PARD3B: variants seen among roughly 807,000 people sequenced by gnomAD.
The protein encoded by PARD3B is partitioning defective 3 homolog B.
PARD3B carries 103 observed loss-of-function variants against 130.2 expected under a neutral mutation model. That is an observed-to-expected ratio of 0.79 (90% CI 0.67 to 0.93). PARD3B has a LOEUF of 0.93. PARD3B is among the 40% of genes least tolerant of loss of function. PARD3B has a pLI of 0.00. For missense variants in PARD3B, 1,609 were observed against 1,499.2 expected, an observed-to-expected ratio of 1.07 and a Z score of -1.21; for synonymous variants, 583 against 553.2, an observed-to-expected ratio of 1.05 and a Z score of -0.76.
rs1467648366 is a variant in PARD3B, at chr2:205,031,244, CTG to C, written c.395-16330_395-16329del. Among the ~76,000 whole-genome samples the C allele has an allele frequency of 7.2e-5, 11 of 152,260 alleles. No individual in the cohort carries two copies. In the East Asian group the frequency reaches 1.2e-3, roughly 16 times the overall value. On this transcript the variant is annotated intron_variant, in intron 3 of 22. Coordinates refer to ENST00000406610, the MANE Select transcript of PARD3B (RefSeq NM_001302769.2). ...ACATACCTTATCTGTGAAGGCAACT[CTG>C]TGTGTGCGTTTTCCAATCTAGATGG...
chr2:204,732,966 C>T (rs1389514548), intron 2 of PARD3B, among the ~76,000 whole-genome samples: 4 of 152,110 alleles, frequency 2.6e-5, no homozygotes, highest in East Asian at 3.9e-4. Context: ...CCATTCCACC[C>T]CTAGCAGAGT....
At position 204,647,618 on chromosome 2, in the gene PARD3B, C is replaced by A. The variant is rs1308154940; in HGVS notation, c.121-38563C>A. 1.1e-4 allele frequency among the ~76,000 whole-genome samples: 16 copies of A among 151,806 alleles called. No individual in the cohort carries two copies. The East Asian group carries it at 3.1e-3, about 29-fold the overall frequency. On this transcript the variant is annotated intron_variant, in intron 1 of 22. Transcript: ENST00000406610. ...GGTACACTGTGATCATATGCAATAT[C>A]CAATAGTAATTTGAAGACATATTTT...
intron 15 of PARD3B, among the ~76,000 whole-genome samples, chr2:205,210,120 C>G (rs2037546323): frequency 6.6e-6 from 1 of 151,956 alleles, no homozygotes; most frequent in Non-Finnish European, 1.5e-5. Flanking sequence ...AATCTCAGCA[C>G]TTTGAGAGGC....
At chr2:204,778,975 C>T (rs1029168695) in intron 2 of PARD3B, among the ~76,000 whole-genome samples, 7 of 152,104 alleles carry the variant, frequency 4.6e-5, no homozygotes, top group Admixed American at 2.6e-4. Context: ...CTGCCTGCCG[C>T]CTCAGCCTCA....
At chr2:205,284,826 T>C (rs959915054) in intron 16 of PARD3B, among the ~76,000 whole-genome samples, 1 of 152,014 alleles carries the variant, frequency 6.6e-6, no homozygotes, top group Admixed American at 6.6e-5. Context: ...CATTTATTTT[T>C]CCCCCCATGG....
At chr2:205,237,435 T>A (rs1383157393) in intron 15 of PARD3B, among the ~76,000 whole-genome samples, 1 of 152,198 alleles carries the variant, frequency 6.6e-6, no homozygotes, top group Non-Finnish European at 1.5e-5. Context: ...TATTTTTTCA[T>A]GCTTTAATAT....
chr2:205,464,682 G>A (rs1171668488), intron 20 of PARD3B, among the ~76,000 whole-genome samples: 2 of 152,096 alleles, frequency 1.3e-5, no homozygotes, highest in African/African-American at 4.8e-5. Flanking sequence ...AGTAAATATG[G>A]TAGTTCATTC....
Position 205,158,815 on chromosome 2 carries a change from G to A in PARD3B, c.1528G>A (p.Gly510Arg), listed in dbSNP as rs756215435. ...PLNDSGSAGL[G>R]VSLKGNKSRE... ...GAATGATTCAGGTTCTGCTGGCCTC[G>A]GGGTGAGCTTAAAAGGGAACAAATC... The change falls in exon 11 of 23, where the codon GGG becomes AGG. Residue 510 changes from glycine to arginine, a missense_variant. By Grantham distance (125) the Gly-to-Arg change is moderately radical (BLOSUM62 -2). Transcript: ENST00000406610. The surrounding 1 kb of genome is among the most constrained non-coding windows in gnomAD (Gnocchi z 5.4). The A allele has an allele frequency of 1.2e-5, 20 of 1,614,016 alleles. No individual in the cohort carries two copies. Among genetic ancestry groups the A allele is most frequent in the East Asian group, 4.5e-5 (2 of 44,888 alleles).
At chr2:205,495,448 C>G (rs541865318) in intron 20 of PARD3B, among the ~76,000 whole-genome samples, 5 of 152,176 alleles carry the variant, frequency 3.3e-5, no homozygotes, top group Non-Finnish European at 5.9e-5. Context: ...ATTAGGAAAG[C>G]CTAATTGTTA....
At chr2:205,386,084 T>C (rs1475100570) in intron 18 of PARD3B, among the ~76,000 whole-genome samples, 23 of 152,198 alleles carry the variant, frequency 1.5e-4, no homozygotes, top group Admixed American at 1.4e-3. Flanking sequence ...TTTAGAGCTC[T>C]AGATCTGCAA....
At chr2:204,570,808 TAA>T (rs1244800108) in intron 1 of PARD3B, among the ~76,000 whole-genome samples, 2 of 151,222 alleles carry the variant, frequency 1.3e-5, no homozygotes, top group African/African-American at 4.9e-5. Flanking sequence ...CTGAGGTGTA[TAA>T]GCTGTTGTAA....
chr2:204,852,879 A>G (rs952082502), intron 2 of PARD3B, among the ~76,000 whole-genome samples: 13 of 152,278 alleles, frequency 8.5e-5, no homozygotes, highest in African/African-American at 3.1e-4. Context: ...AGCCCACTAC[A>G]ATCTCATTTG....
rs149249041 is a variant in PARD3B at position 204,683,553 on chromosome 2, A to G, written c.121-2628A>G. ...TTGTATGTACATTTTTGAGTGATCA[A>G]TAGCACCATGGCCAAAATACCATGG... is the stretch of plus-strand genomic sequence containing the variant. On this transcript the variant is annotated intron_variant, in intron 1 of 22. Transcript: ENST00000406610. 5.0e-3 allele frequency among the ~76,000 whole-genome samples: 762 copies of G among 152,284 alleles called. 6 individuals are homozygous for G. Among genetic ancestry groups the G allele is most frequent in the African/African-American group, 0.018 (741 of 41,546 alleles).
intron 2 of PARD3B, among the ~76,000 whole-genome samples, chr2:204,859,787 A>G (rs2125624625): frequency 6.6e-6 from 1 of 152,298 alleles, no homozygotes; most frequent in Non-Finnish European, 1.5e-5. Context: ...CCTAGAGCAT[A>G]ACCCACAGCA....
chr2:205,342,675 A>G (rs1332230450), intron 18 of PARD3B, among the ~76,000 whole-genome samples: 1 of 152,190 alleles, frequency 6.6e-6, no homozygotes, highest in African/African-American at 2.4e-5. Context: ...TTCTTTGATT[A>G]CATCATGGTA....
chr2:204,823,671 T>G (rs10176911), intron 2 of PARD3B, among the ~76,000 whole-genome samples: 37,821 of 151,970 alleles, frequency 0.25, 7,342 homozygotes, highest in African/African-American at 0.54. Context: ...TGGGCACAGT[T>G]GCTCAAGCCT....
At chr2:204,822,932 T>C (rs2043422856) in intron 2 of PARD3B, among the ~76,000 whole-genome samples, 2 of 152,204 alleles carry the variant, frequency 1.3e-5, no homozygotes, top group Admixed American at 1.3e-4. Context: ...CTTCATCTGC[T>C]CTCTTTCTTG....
chr2:204,654,275 G>A (rs540271921), intron 1 of PARD3B, among the ~76,000 whole-genome samples: 3 of 151,320 alleles, frequency 2.0e-5, no homozygotes, highest in South Asian at 2.1e-4. Flanking sequence ...AACGAAGAAA[G>A]GATCGTGACA....
chr2:205,574,002 A>G (rs1437030967), intron 22 of PARD3B, among the ~76,000 whole-genome samples: 5 of 152,226 alleles, frequency 3.3e-5, no homozygotes, highest in Non-Finnish European at 7.3e-5. Flanking sequence ...AAAAGAAGAA[A>G]TCCTTATATA....
Sources: allele counts gnomAD v4.1 joint callset (sites outside exome capture counted in the v4.1 genomes callset), GRCh38; gene constraint gnomAD v4.1.1; non-coding constraint Gnocchi (gnomAD v3.1); transcripts MANE v1.5; gene names NCBI Gene and HGNC (gene_info 2026-07-23, HGNC 2026-07-21).